MAP3K15: variants seen among roughly 807,000 people sequenced by gnomAD.
The protein encoded by MAP3K15 is MAPK/ERK kinase kinase 15.
Under a neutral mutation model 99.5 loss-of-function variants are expected in MAP3K15, and 124 were observed. That is an observed-to-expected ratio of 1.25 (90% CI 1.08 to 1.45). The LOEUF is 1.45. Ranked by LOEUF, MAP3K15 falls within the 40% of genes most tolerant of loss-of-function variation. The pLI is 0.00. For missense variants in MAP3K15, 1,242 were observed against 1,079.7 expected, an observed-to-expected ratio of 1.15 and a Z score of -2.11; for synonymous variants, 494 against 439.6, an observed-to-expected ratio of 1.12 and a Z score of -1.55.
At chrX:19,454,129 T>C (rs1489237337) in intron 6 of MAP3K15, among the ~76,000 whole-genome samples, 1 of 111,731 alleles carries the variant, frequency 9.0e-6, no homozygotes, top group Non-Finnish European at 1.9e-5. Context: ...TTCCAGTCAG[T>C]GCGTCACACA....
intron 21 of MAP3K15, 71 bp downstream of exon 21, chrX:19,373,465 G>A: frequency 8.9e-7 from 1 of 1,121,603 alleles, no homozygotes; most frequent in Non-Finnish European, 1.2e-6. Context: ...TGGGACCAGG[G>A]AGGTGCCCTG....
chrX:19,462,935 G>C (rs1409677802), intron 4 of MAP3K15, among the ~76,000 whole-genome samples: 1 of 112,429 alleles, frequency 8.9e-6, no homozygotes. Flanking sequence ...AATCACAAGA[G>C]TTGTTTGCCT....
intron 19 of MAP3K15, 24 bp from the exon 20 acceptor site, chrX:19,374,684 G>C (rs1039927182): frequency 8.4e-7 from 1 of 1,186,504 alleles, no homozygotes; most frequent in Non-Finnish European, 1.1e-6. Flanking sequence ...AGAGGTAACC[G>C]ATGTGTCAGT....
rs2064325843 is a variant in MAP3K15 at position 19,486,379 on chromosome X, T to C, written c.525+103A>G. On this transcript the variant is annotated intron_variant, in intron 3 of 28. Coordinates refer to ENST00000338883, the MANE Select transcript of MAP3K15 (RefSeq NM_001001671.4). ...TTAGAAACACAACCCACAGGCGTGA[T>C]TAGAAGTCATCTTGCTACCTGGGCG... 3 of 344,863 alleles carry C rather than the reference T, an allele frequency of 8.7e-6. No homozygotes were observed. In the East Asian group the frequency reaches 1.6e-4, roughly 18 times the overall value. 28.4% of individuals were successfully genotyped at this position (344,863 alleles called of 1,213,427 possible).
intron 3 of MAP3K15, among the ~76,000 whole-genome samples, chrX:19,471,970 C>T (rs1350907209): frequency 1.8e-5 from 2 of 111,675 alleles, no homozygotes; most frequent in African/African-American, 3.3e-5. Flanking sequence ...CGCCTGTAAT[C>T]CCAGCACTTT....
chrX:19,375,624 C>T (rs1397640999), intron 19 of MAP3K15, among the ~76,000 whole-genome samples: 5 of 112,379 alleles, frequency 4.4e-5, no homozygotes, highest in African/African-American at 1.6e-4. Flanking sequence ...CCAAGCCCAC[C>T]CAACAATCCA....
rs754999928 is a variant in MAP3K15 at position 19,411,179 on chromosome X, G to A, written c.1699-1206C>T. On this transcript the variant is annotated intron_variant, in intron 11 of 28. Coordinates refer to ENST00000338883, the MANE Select transcript of MAP3K15 (RefSeq NM_001001671.4). Reference sequence around the variant, plus strand: ...AGCCTAGGTGACAGAATGAGACCCTGCCTCAAAAAAAAAAAAAAATTCCAT... The same window carrying A: ...AGCCTAGGTGACAGAATGAGACCCTACCTCAAAAAAAAAAAAAAATTCCAT... Among the ~76,000 whole-genome samples the A allele has an allele frequency of 6.0e-3, 631 of 105,426 alleles. 2 individuals carry two copies. The highest frequency in any genetic ancestry group is 0.022 in the African/African-American group (604 of 27,870). 91.5% of individuals were successfully genotyped at this position (105,426 alleles called of 115,157 possible). A position where few individuals can be genotyped will look rare whatever the true frequency, so the allele number is the denominator to read the frequency against.
At chrX:19,388,367 C>T (rs908729474) in intron 18 of MAP3K15, among the ~76,000 whole-genome samples, 1 of 112,056 alleles carries the variant, frequency 8.9e-6, no homozygotes, top group Admixed American at 9.5e-5. Flanking sequence ...ACTCCCGCCC[C>T]AGGCAGGATG....
rs193003302 is a variant in MAP3K15, at chrX:19,450,846, T to C, written c.995+6067A>G. On this transcript the variant is annotated intron_variant, in intron 6 of 28. Coordinates refer to ENST00000338883, the MANE Select transcript of MAP3K15 (RefSeq NM_001001671.4). ...TTTTTTTAAAAGATAACATGTATTA[T>C]TGGCAAGGCCACTGCTCAGAAGATA... Among the ~76,000 whole-genome samples the C allele has an allele frequency of 9.5e-5, 10 of 105,438 alleles. 1 individual carries two copies. Among genetic ancestry groups the C allele is most frequent in the Admixed American group, 9.3e-4 (9 of 9,707 alleles). 91.6% of individuals were successfully genotyped at this position (105,438 alleles called of 115,157 possible).
chrX:19,498,878 G>A (rs1231090984), intron 1 of MAP3K15, among the ~76,000 whole-genome samples: 4 of 112,102 alleles, frequency 3.6e-5, no homozygotes, highest in African/African-American at 9.7e-5. Context: ...ACTGCAACCT[G>A]GAAGGTTCCT....
intron 4 of MAP3K15, among the ~76,000 whole-genome samples, chrX:19,463,659 A>G (rs1161439562): frequency 8.9e-6 from 1 of 111,998 alleles, no homozygotes; most frequent in Non-Finnish European, 1.9e-5. Context: ...CAAGATTCCA[A>G]TCTAAACCTA....
intron 10 of MAP3K15, 117 bp from the exon 11 acceptor site, chrX:19,413,581 T>C (rs979857566): frequency 4.8e-5 from 17 of 355,801 alleles, no homozygotes; most frequent in Admixed American, 1.6e-4. Flanking sequence ...CCAGGCACAG[T>C]GGCTCACGCC....
chrX:19,420,713 T>A, intron 9 of MAP3K15, among the ~76,000 whole-genome samples: 1 of 111,688 alleles, frequency 9.0e-6, no homozygotes, highest in Non-Finnish European at 1.9e-5. Flanking sequence ...TACCAAAGCC[T>A]GGCAGAGACA....
Position 19,510,436 on chromosome X carries a change from G to A in MAP3K15, c.361+4465C>T, listed in dbSNP as rs899393847. On this transcript the variant is annotated intron_variant, in intron 1 of 28. Transcript: ENST00000338883. ...AATCGATCACATAAACAGAACCAAT[G>A]ACAAAAACCACAATTATCTCAATAG... Among the ~76,000 whole-genome samples the A allele has an allele frequency of 2.7e-5, 3 of 111,991 alleles. No homozygotes were observed. In the Admixed American group the frequency reaches 2.9e-4, roughly 11 times the overall value.
chrX:19,447,664 A>G (rs2064008777), intron 6 of MAP3K15, among the ~76,000 whole-genome samples: 1 of 103,426 alleles, frequency 9.7e-6, no homozygotes, highest in Non-Finnish European at 2.0e-5. Context: ...CAGGCAGATC[A>G]CGAGGTCAGG....
At chrX:19,415,487 G>C (rs1199233274) in intron 9 of MAP3K15, among the ~76,000 whole-genome samples, 1 of 111,926 alleles carries the variant, frequency 8.9e-6, no homozygotes, top group African/African-American at 3.2e-5. Flanking sequence ...TACCAACATT[G>C]TGCTAACCCC....
chrX:19,407,240 C>T lies in MAP3K15; in HGVS notation c.1792G>A (p.Asp598Asn). 8.3e-7 allele frequency: 1 copy of T among 1,199,740 alleles called. No individual in the cohort carries two copies. Among genetic ancestry groups the T allele is most frequent in the Non-Finnish European group, 1.1e-6 (1 of 889,817 alleles). Residue 598 changes from aspartate (D) to asparagine (N), a missense_variant, in exon 13 of 29, where the codon GAT becomes AAT. Coordinates refer to ENST00000338883, the MANE Select transcript of MAP3K15 (RefSeq NM_001001671.4). ...TAGATTTGAAAGTCATCAGAATTAT[C>T]ATGGACATAAAGAAAACAACACCTT... ...DERCCFLYVH[D>N]NSDDFQIYFS...
chrX:19,382,118 TG>T (rs1396934786), intron 18 of MAP3K15, among the ~76,000 whole-genome samples: 1 of 109,722 alleles, frequency 9.1e-6, no homozygotes, highest in East Asian at 2.9e-4. Context: ...CCAGACATGG[TG>T]GTGGGTGCCT....
rs1276621235 is a variant in MAP3K15, at chrX:19,410,095, T to A, written c.1699-122A>T. Reference sequence around the variant, plus strand: ...CCTGCAGTGGTGATTTTTTTACGGGTTACAGCAATACACCTTGTATAACAT... The same window carrying A: ...CCTGCAGTGGTGATTTTTTTACGGGATACAGCAATACACCTTGTATAACAT... On this transcript the variant is annotated intron_variant, in intron 11 of 28. Transcript: ENST00000338883. 9.8e-6 allele frequency: 5 copies of A among 508,818 alleles called. No homozygotes were observed. The South Asian group carries it at 1.5e-4, about 16-fold the overall frequency. 41.9% of individuals were successfully genotyped at this position (508,818 alleles called of 1,213,427 possible). A position where few individuals can be genotyped will look rare whatever the true frequency, so the allele number is the denominator to read the frequency against.
Sources: allele counts gnomAD v4.1 joint callset (sites outside exome capture counted in the v4.1 genomes callset), GRCh38; gene constraint gnomAD v4.1.1; transcripts MANE v1.5; gene names NCBI Gene and HGNC (gene_info 2026-07-23, HGNC 2026-07-21).